Variants in UBR1 observed in about 807,000 individuals in gnomAD.
The protein encoded by UBR1 is E3 ubiquitin-protein ligase UBR1.
UBR1 carries 102 observed loss-of-function variants against 242.1 expected under a neutral mutation model. That is an observed-to-expected ratio of 0.42 (90% CI 0.36 to 0.50). The LOEUF (loss-of-function observed/expected upper bound fraction) is 0.50. Among genes scored for constraint, UBR1 ranks in the 20% least tolerant of loss-of-function variants. The probability of loss-of-function intolerance (pLI) is 0.01; values close to 1 mark genes in which losing one functional copy is unlikely to be tolerated. For missense variants in UBR1, 1,772 were observed against 2,101.8 expected (o/e 0.84, Z 3.07); for synonymous variants, 675 against 684.8 (o/e 0.99, Z 0.22).
At position 43,067,967 on chromosome 15, in the gene UBR1, G is replaced by A. The variant is rs2033775112; in HGVS notation, c.729C>T (p.Tyr243=). The change falls in exon 6 of 47, where the codon TAC becomes TAT. Residue 243 remains tyrosine, a synonymous_variant. Transcript: ENST00000290650. ...CACAGTCAAGAGCTCTTTGTAGGCT[G>A]TATATGACGTGGTCATATGAATGGT... is the stretch of plus-strand genomic sequence containing the variant. ...DEHHSYDHVI[Y]SLQRALDCEL... is the part of the protein sequence containing the mutation. 1 of 1,612,224 alleles carries A rather than the reference G, an allele frequency of 6.2e-7. No individual in the cohort carries two copies. The highest frequency in any genetic ancestry group is 2.2e-5 in the East Asian group (1 of 44,784).
At chr15:43,030,194 T>A in intron 20 of UBR1, 126 bp from the exon 21 acceptor site, 1 of 1,075,402 alleles carries the variant, frequency 9.3e-7, no homozygotes, top group South Asian at 1.4e-5. Flanking sequence ...GGGGCAAAAG[T>A]TATTTGAATG....
At chr15:43,102,766 C>T (rs2034252916) in intron 1 of UBR1, among the ~76,000 whole-genome samples, 1 of 151,698 alleles carries the variant, frequency 6.6e-6, no homozygotes, top group Non-Finnish European at 1.5e-5. Context: ...CCTCATTCTT[C>T]CATTTTCCAC....
rs2033986019 is a variant in UBR1 at position 43,082,621 on chromosome 15, T to C, written c.417+17A>G. On this transcript the variant is annotated intron_variant, in intron 3 of 46. Coordinates refer to ENST00000290650, the MANE Select transcript of UBR1 (RefSeq NM_174916.3). ...CAGATTCCTGCTTATTCAGAGGTTA[T>C]GGTTATATTTTCTTACCTTGTAACG... 1 of 1,607,438 alleles carries C rather than the reference T, an allele frequency of 6.2e-7. No individual in the cohort carries two copies. The highest frequency in any genetic ancestry group is 1.3e-5 in the African/African-American group (1 of 74,920).
rs199500128 is a variant in UBR1, at chr15:42,976,766, A to G, written c.4320T>C (p.His1440=). The stretch of plus-strand genomic sequence containing the variant: ...GAAGCATGTGTGCCATGGTGATCAA[A>G]TGGAAGAGATAAAGGTGGTTATAGG... ...SSSYNHLYLF[H]LITMAHMLQI... is the part of the protein sequence containing the mutation. Residue 1440 remains histidine (H), a synonymous_variant, in exon 39 of 47, where the codon CAT becomes CAC. Transcript: ENST00000290650. 198 of 1,614,148 alleles carry G rather than the reference A, an allele frequency of 1.2e-4. No individual in the cohort carries two copies. The highest frequency in any genetic ancestry group is 1.6e-4 in the Non-Finnish European group (186 of 1,180,020).
chr15:43,028,759 A>G (rs573280777), intron 21 of UBR1, among the ~76,000 whole-genome samples: 83 of 150,086 alleles, frequency 5.5e-4, no homozygotes, highest in African/African-American at 2.0e-3. Flanking sequence ...AAAAAAAAAA[A>G]CAAACAAACA....
chr15:43,010,066 G>A (rs1254053597), intron 29 of UBR1, among the ~76,000 whole-genome samples: 1 of 152,118 alleles, frequency 6.6e-6, no homozygotes, highest in African/African-American at 2.4e-5. Flanking sequence ...TAGAGACGGA[G>A]TTTCACTATG....
chr15:43,099,920 G>C (rs1042416432), intron 1 of UBR1, among the ~76,000 whole-genome samples: 20 of 150,316 alleles, frequency 1.3e-4, no homozygotes, highest in Admixed American at 3.3e-4. Context: ...CTGTCGCCCA[G>C]ACTGGAGTGC....
intron 1 of UBR1, among the ~76,000 whole-genome samples, chr15:43,102,231 A>G (rs561170206): frequency 9.4e-4 from 143 of 152,226 alleles, no homozygotes; most frequent in Non-Finnish European, 1.7e-3. Context: ...TCCTTCTAAA[A>G]TCTTTCTCAC....
At chr15:43,005,408 G>C (rs796513931) in intron 30 of UBR1, among the ~76,000 whole-genome samples, 471 of 7,164 alleles carry the variant, frequency 0.066, no homozygotes, top group Middle Eastern at 0.11. Flanking sequence ...CAGCCGCCCT[G>C]TCTTGGAGGG....
intron 1 of UBR1, among the ~76,000 whole-genome samples, chr15:43,098,455 T>C (rs2034187367): frequency 6.6e-6 from 1 of 152,204 alleles, no homozygotes; most frequent in Non-Finnish European, 1.5e-5. Context: ...TGTAAAGAAC[T>C]GATTATCTAC....
rs943448057 is a variant in UBR1, at chr15:43,035,416, A to G, written c.2190+762T>C. ...GAAATAACTTTTAAAATATGGCTAA[A>G]TATGTCTTCTTTTGAGAAGTGTCTG... On this transcript the variant is annotated intron_variant, in intron 19 of 46. Transcript: ENST00000290650. Among the ~76,000 whole-genome samples the G allele has an allele frequency of 4.7e-4, 71 of 152,298 alleles. 1 individual carries two copies. Among genetic ancestry groups the G allele is most frequent in the African/African-American group, 1.4e-3 (57 of 41,560 alleles).
intron 46 of UBR1, among the ~76,000 whole-genome samples, chr15:42,949,440 T>TA (rs766827602): frequency 3.1e-4 from 30 of 96,654 alleles, no homozygotes; most frequent in East Asian, 6.4e-4. Context: ...AATAATAAAA[T>TA]AAAATAAAAA....
intron 33 of UBR1, 91 bp from the exon 34 acceptor site, chr15:42,990,211 G>T: frequency 1.1e-6 from 1 of 930,988 alleles, no homozygotes; most frequent in Non-Finnish European, 1.7e-6. Flanking sequence ...ATTTTTGACA[G>T]TCTCACTCTG....
chr15:43,098,103 T>C (rs2034182084), intron 1 of UBR1, among the ~76,000 whole-genome samples: 1 of 152,230 alleles, frequency 6.6e-6, no homozygotes, highest in Non-Finnish European at 1.5e-5. Context: ...TAGGGTTAAC[T>C]GGCTTAATTT....
At chr15:43,018,300 T>TATC (rs2033058159) in intron 27 of UBR1, among the ~76,000 whole-genome samples, 2 of 152,100 alleles carry the variant, frequency 1.3e-5, no homozygotes, top group Admixed American at 1.3e-4. Flanking sequence ...CGCGCCCAGC[T>TATC]ATCCTCGGAG....
At position 42,952,316 on chromosome 15, in the gene UBR1, G is replaced by C; in HGVS notation, c.4968C>G (p.His1656Gln). The C allele has an allele frequency of 6.2e-7, 1 of 1,614,060 alleles. No individual in the cohort carries two copies. The highest frequency in any genetic ancestry group is 2.2e-5 in the East Asian group (1 of 44,890). ...AGACTCCGGCTCCACAGTGAAGTGC[G>C]TGAAAAATGCAAGCTCCAACCTCTT... ...NGEEVGACIF[H>Q]ALHCGAGVCI... The change falls in exon 45 of 47, where the codon CAC becomes CAG. Residue 1656 changes from histidine to glutamine, a missense_variant. This residue lies in a region of UBR1 where 965 missense variants were observed against 1,079.7 expected (regional missense o/e 0.89). Coordinates refer to ENST00000290650, the MANE Select transcript of UBR1 (RefSeq NM_174916.3).
chr15:42,983,351 C>T (rs2032407670), intron 37 of UBR1, among the ~76,000 whole-genome samples: 1 of 151,902 alleles, frequency 6.6e-6, no homozygotes, highest in South Asian at 2.1e-4. Context: ...TTGGAAAATA[C>T]AGATTTTAAA....
intron 14 of UBR1, among the ~76,000 whole-genome samples, chr15:43,043,924 AAG>A (rs1385602550): frequency 2.6e-5 from 4 of 152,184 alleles, no homozygotes; most frequent in Admixed American, 6.5e-5. Flanking sequence ...TAATTGCTCT[AAG>A]AGGGGGGAAA....
At chr15:43,077,695 A>T (rs575318264) in intron 3 of UBR1, among the ~76,000 whole-genome samples, 9 of 151,428 alleles carry the variant, frequency 5.9e-5, no homozygotes, top group South Asian at 4.1e-4. Context: ...AAAATAAAAT[A>T]AAAAAACTCA....
Sources: allele counts gnomAD v4.1 joint callset (sites outside exome capture counted in the v4.1 genomes callset), GRCh38; gene constraint gnomAD v4.1.1; regional missense constraint gnomAD v4.1.1; transcripts MANE v1.5; gene names NCBI Gene and HGNC (gene_info 2026-07-23, HGNC 2026-07-21).